EPHA3: variants seen among roughly 807,000 people sequenced by gnomAD.
The protein encoded by EPHA3 is ephrin type-A receptor 3.
EPHA3 carries 42 observed loss-of-function variants against 107.1 expected under a neutral mutation model. The observed-to-expected ratio is 0.39, with a 90% CI of 0.31 to 0.51. The LOEUF is 0.51. Ranked by LOEUF, EPHA3 falls within the 20% of genes least tolerant of loss-of-function variation. EPHA3 has a pLI of 0.78. For synonymous variants in EPHA3, 461 were observed against 424.8 expected (o/e 1.09, Z -1.05); for missense variants, 1,183 against 1,211.2 (o/e 0.98, Z 0.35).
intron 3 of EPHA3, among the ~76,000 whole-genome samples, chr3:89,276,425 G>A (rs1705809111): frequency 6.6e-6 from 1 of 152,118 alleles, no homozygotes; most frequent in Non-Finnish European, 1.5e-5. Context: ...AGGAAGGAAT[G>A]TTTAAATGGA....
At chr3:89,444,185 A>G (rs1472031129) in intron 13 of EPHA3, among the ~76,000 whole-genome samples, 2 of 152,216 alleles carry the variant, frequency 1.3e-5, no homozygotes, top group African/African-American at 4.8e-5. Flanking sequence ...ATGATTTGAA[A>G]TAATGGTTCG....
At chr3:89,237,470 A>G (rs1175732190) in intron 3 of EPHA3, among the ~76,000 whole-genome samples, 3 of 152,216 alleles carry the variant, frequency 2.0e-5, no homozygotes, top group Admixed American at 6.5e-5. Context: ...TTTAGTTTCA[A>G]TAGAAATAGA....
intron 2 of EPHA3, among the ~76,000 whole-genome samples, chr3:89,143,376 C>T (rs1445932961): frequency 6.6e-6 from 1 of 151,356 alleles, no homozygotes; most frequent in East Asian, 1.9e-4. Context: ...AAGAATCAGT[C>T]ATTAGTAATG....
At chr3:89,297,662 G>C (rs1393544052) in intron 3 of EPHA3, among the ~76,000 whole-genome samples, 2 of 152,142 alleles carry the variant, frequency 1.3e-5, no homozygotes, top group Non-Finnish European at 2.9e-5. Context: ...GTGCAGATAG[G>C]CTTATTTGAT....
intron 5 of EPHA3, among the ~76,000 whole-genome samples, chr3:89,382,440 G>A (rs1167539264): frequency 2.0e-5 from 3 of 151,452 alleles, no homozygotes; most frequent in African/African-American, 7.3e-5. Context: ...CCAAGGAAGT[G>A]GAGGCTGCTA....
chr3:89,375,444 T>A (rs116557293), intron 5 of EPHA3, among the ~76,000 whole-genome samples: 2,314 of 151,708 alleles, frequency 0.015, 44 homozygotes, highest in African/African-American at 0.053. Context: ...GTATTAATCA[T>A]TTTACCCTGT....
chr3:89,125,384 T>C (rs924332151), intron 1 of EPHA3, among the ~76,000 whole-genome samples: 1 of 151,790 alleles, frequency 6.6e-6, no homozygotes, highest in Non-Finnish European at 1.5e-5. Flanking sequence ...TAATATCCTT[T>C]AATTTAAAGG....
At chr3:89,418,622 T>C (rs1709295921) in intron 10 of EPHA3, among the ~76,000 whole-genome samples, 2 of 151,448 alleles carry the variant, frequency 1.3e-5, no homozygotes, top group African/African-American at 4.8e-5. Flanking sequence ...ATGTTGTTTT[T>C]ATTTGATACT....
At chr3:89,309,733 G>A (rs1706719748) in intron 3 of EPHA3, among the ~76,000 whole-genome samples, 1 of 151,796 alleles carries the variant, frequency 6.6e-6, no homozygotes, top group Non-Finnish European at 1.5e-5. Flanking sequence ...TGTTCCCTAG[G>A]TCAATAGTAA....
chr3:89,264,933 G>T (rs574385403), intron 3 of EPHA3, among the ~76,000 whole-genome samples: 23 of 152,080 alleles, frequency 1.5e-4, no homozygotes, highest in African/African-American at 5.3e-4. Flanking sequence ...TAATTTTTGT[G>T]GGTATATAGT....
chr3:89,140,106 G>A (rs534051393), intron 2 of EPHA3, among the ~76,000 whole-genome samples: 3 of 151,784 alleles, frequency 2.0e-5, no homozygotes, highest in Non-Finnish European at 4.4e-5. Context: ...TTATGATCCA[G>A]AGACTGAGCT....
chr3:89,166,333 C>T lies in EPHA3; in HGVS notation c.153+39060C>T, dbSNP rs114584017. Reference sequence around the variant, plus strand: ...TTCTGTGGGCAAGACCAAAATATGCCCAGCACATATACTATCTTTTGAACA... The same window carrying T: ...TTCTGTGGGCAAGACCAAAATATGCTCAGCACATATACTATCTTTTGAACA... On this transcript the variant is annotated intron_variant, in intron 2 of 16. Coordinates refer to ENST00000336596, the MANE Select transcript of EPHA3 (RefSeq NM_005233.6). Among the ~76,000 whole-genome samples, 1,290 of 152,134 alleles carry T rather than the reference C, an allele frequency of 8.5e-3. 29 individuals are homozygous for T. The highest frequency in any genetic ancestry group is 0.03 in the African/African-American group (1,233 of 41,500).
intron 13 of EPHA3, among the ~76,000 whole-genome samples, chr3:89,432,168 C>A (rs1709581810): frequency 6.6e-6 from 1 of 151,944 alleles, no homozygotes; most frequent in East Asian, 1.9e-4. Context: ...TCATGATTTT[C>A]TAATGATACA....
intron 15 of EPHA3, among the ~76,000 whole-genome samples, chr3:89,460,549 C>T: frequency 6.7e-6 from 1 of 149,626 alleles, no homozygotes; most frequent in African/African-American, 2.5e-5. Context: ...CATATTTTCC[C>T]CAGTTAATGA....
At chr3:89,121,511 C>G (rs1707384332) in intron 1 of EPHA3, among the ~76,000 whole-genome samples, 1 of 152,044 alleles carries the variant, frequency 6.6e-6, no homozygotes, top group African/African-American at 2.4e-5. Context: ...GTAATCTCAG[C>G]ACTTTGGGAG....
chr3:89,154,660 C>T (rs1479844974), intron 2 of EPHA3, among the ~76,000 whole-genome samples: 1 of 151,442 alleles, frequency 6.6e-6, no homozygotes, highest in Non-Finnish European at 1.5e-5. Flanking sequence ...AAACAACTCA[C>T]TCTATCATTT....
chr3:89,477,486 T>G (rs1446002263), intron 16 of EPHA3, among the ~76,000 whole-genome samples: 1 of 152,210 alleles, frequency 6.6e-6, no homozygotes, highest in Non-Finnish European at 1.5e-5. Context: ...GGTTACCTAT[T>G]GTTTTCTTGA....
At position 89,399,445 on chromosome 3, in the gene EPHA3, A is replaced by G; in HGVS notation, c.1559A>G (p.Asn520Ser). 6.2e-7 allele frequency: 1 copy of G among 1,614,188 alleles called. No homozygotes were observed. The highest frequency in any genetic ancestry group is 8.5e-7 in the Non-Finnish European group (1 of 1,180,032). Residue 520 changes from asparagine (N) to serine (S), a missense_variant, in exon 7 of 17, where the codon AAC becomes AGC. Physicochemically the swap from Asn to Ser is conservative, Grantham distance 46. Transcript: ENST00000336596. ...CGAACAGCCGCTGGATATGGGACGA[A>G]CAGCCGCAAGTTTGAGTTTGAAACT... ...RARTAAGYGT[N>S]SRKFEFETSP...
intron 11 of EPHA3, among the ~76,000 whole-genome samples, chr3:89,421,441 A>G (rs1365393457): frequency 2.6e-5 from 4 of 151,298 alleles, no homozygotes; most frequent in African/African-American, 9.7e-5. Flanking sequence ...TACACTTTTC[A>G]AAGGAGTGCA....
Sources: gnomAD v4.1 joint callset for allele counts (sites outside exome capture counted in the v4.1 genomes callset) on GRCh38, gnomAD v4.1.1 for gene constraint, MANE v1.5 for transcripts, NCBI Gene and HGNC (gene_info 2026-07-23, HGNC 2026-07-21) for gene names.